ZBTB46: variants seen among roughly 807,000 people sequenced by gnomAD.
ZBTB46 encodes zinc finger and BTB domain containing 46, also known as zinc finger and BTB domain-containing protein 46.
ZBTB46 carries 8 observed loss-of-function variants against 44.1 expected under a neutral mutation model. That is an observed-to-expected ratio of 0.18 (90% CI 0.11 to 0.33). ZBTB46 has a LOEUF of 0.33. ZBTB46 is among the 10% of genes least tolerant of loss of function. The pLI is 1.00. For synonymous variants in ZBTB46, 409 were observed against 382.3 expected (o/e 1.07, Z -0.81); for missense variants, 651 against 847.7 (o/e 0.77, Z 2.88).
At chr20:63,822,026 T>C (rs1228419280) in intron 1 of ZBTB46, among the ~76,000 whole-genome samples, 2 of 152,190 alleles carry the variant, frequency 1.3e-5, no homozygotes, top group Admixed American at 6.5e-5. Flanking sequence ...TGCGAGAACT[T>C]ACACCTTTAA....
chr20:63,791,997 C>G (rs551004305), intron 1 of ZBTB46, among the ~76,000 whole-genome samples: 6 of 152,216 alleles, frequency 3.9e-5, no homozygotes, highest in Non-Finnish European at 7.3e-5. Flanking sequence ...AGCCGGCGTT[C>G]TGTGTGGAGG....
intron 3 of ZBTB46, among the ~76,000 whole-genome samples, chr20:63,759,991 G>A (rs556747724): frequency 5.3e-4 from 81 of 152,230 alleles, no homozygotes; most frequent in Non-Finnish European, 1.0e-3. Flanking sequence ...ATGAGCCTGC[G>A]GACCATGCAA....
chr20:63,811,500 A>G (rs1302285336), intron 1 of ZBTB46, among the ~76,000 whole-genome samples: 2 of 152,126 alleles, frequency 1.3e-5, no homozygotes. Flanking sequence ...CTCTGAAAGT[A>G]TTTCCAGGAA....
At position 63,815,133 on chromosome 20, in the gene ZBTB46, C is replaced by A. The variant is rs537531493; in HGVS notation, c.-34+15964G>T. ...CAGCTCACCAGCTGCTGAGAAGACA[C>A]AAAAGGCCGAGAGCCCAAGTCTGAG... On this transcript the variant is annotated intron_variant, in intron 1 of 4. Coordinates refer to ENST00000245663, the MANE Select transcript of ZBTB46 (RefSeq NM_001369741.1). 144 of 216,548 alleles carry A rather than the reference C, an allele frequency of 6.6e-4. No homozygotes were observed. In the South Asian group the frequency reaches 7.1e-3, roughly 11 times the overall value. 13.4% of individuals were successfully genotyped at this position (216,548 alleles called of 1,614,324 possible). A position where few individuals can be genotyped will look rare whatever the true frequency, so the allele number is the denominator to read the frequency against.
intron 1 of ZBTB46, among the ~76,000 whole-genome samples, chr20:63,807,577 TCAAG>T (rs2146012916): frequency 6.6e-6 from 1 of 152,136 alleles, no homozygotes; most frequent in South Asian, 2.1e-4. Flanking sequence ...ACTCCTGGCC[TCAAG>T]CAATCTGCCC....
At position 63,828,498 on chromosome 20, in the gene ZBTB46, A is replaced by AT. The variant is rs530433641; in HGVS notation, c.-34+2598dup. Among the ~76,000 whole-genome samples the AT allele has an allele frequency of 9.3e-3, 1,398 of 149,750 alleles. 20 individuals carry two copies. Among genetic ancestry groups the AT allele is most frequent in the African/African-American group, 0.029 (1,178 of 41,050 alleles). On this transcript the variant is annotated intron_variant, in intron 1 of 4. Transcript: ENST00000245663. ...AGGGGAGGGGACAGATTCAAAGGGT[A>AT]TTTTTTTTTTTAAATCTGCTAGAAA... is the stretch of plus-strand genomic sequence containing the variant.
chr20:63,764,096 G>T (rs1395054444), intron 3 of ZBTB46, among the ~76,000 whole-genome samples: 1 of 151,714 alleles, frequency 6.6e-6, no homozygotes, highest in African/African-American at 2.4e-5. Context: ...AGCCTCCCAA[G>T]TGGCTGGAAC....
At position 63,767,417 on chromosome 20, in the gene ZBTB46, G is replaced by C. The variant is rs1229018192; in HGVS notation, c.1222+8261C>G. Among the ~76,000 whole-genome samples, 1 of 152,098 alleles carries C rather than the reference G, an allele frequency of 6.6e-6. No individual in the cohort carries two copies. Among genetic ancestry groups the C allele is most frequent in the Non-Finnish European group, 1.5e-5 (1 of 68,010 alleles). On this transcript the variant is annotated intron_variant, in intron 3 of 4. Coordinates refer to ENST00000245663, the MANE Select transcript of ZBTB46 (RefSeq NM_001369741.1). This position sits in a 1 kb window ranked among gnomAD's most constrained non-coding sequence, Gnocchi z 5.0. ...CCTTCACCTGGCAGCAGCCGGCAGA[G>C]GACTCGAGAAATGACCACAGAAAGG...
chr20:63,804,937 T>C (rs1176371724), intron 1 of ZBTB46, among the ~76,000 whole-genome samples: 6 of 150,350 alleles, frequency 4.0e-5, no homozygotes, highest in Non-Finnish European at 8.9e-5. Context: ...TTTTTTTTTT[T>C]CTCAGAAGGA....
intron 1 of ZBTB46, among the ~76,000 whole-genome samples, chr20:63,808,362 G>A (rs1459525798): frequency 6.6e-6 from 1 of 152,214 alleles, no homozygotes; most frequent in East Asian, 1.9e-4. Flanking sequence ...GGAGGGCCCG[G>A]AAGGCAGACG....
intron 1 of ZBTB46, among the ~76,000 whole-genome samples, chr20:63,811,939 C>T (rs1235551171): frequency 6.6e-6 from 1 of 152,110 alleles, no homozygotes; most frequent in Non-Finnish European, 1.5e-5. Context: ...GGAAAAAAAA[C>T]TAAAGTAAAA....
intron 1 of ZBTB46, among the ~76,000 whole-genome samples, chr20:63,806,070 C>T (rs557082212): frequency 6.6e-5 from 10 of 151,540 alleles, no homozygotes; most frequent in Admixed American, 1.3e-4. Context: ...CCACCATGCC[C>T]GGCCCCAACT....
At chr20:63,780,434 A>T (rs954590317) in intron 2 of ZBTB46, among the ~76,000 whole-genome samples, 8 of 152,184 alleles carry the variant, frequency 5.3e-5, no homozygotes, top group African/African-American at 1.9e-4. Context: ...CACGCCACAT[A>T]CAAAAAAACC....
At chr20:63,824,133 C>T (rs969927428) in intron 1 of ZBTB46, among the ~76,000 whole-genome samples, 4 of 152,000 alleles carry the variant, frequency 2.6e-5, no homozygotes, top group African/African-American at 9.7e-5. Flanking sequence ...GCATCAGGGC[C>T]ACCTTCGAGG....
intron 1 of ZBTB46, among the ~76,000 whole-genome samples, chr20:63,819,369 G>C (rs2092778714): frequency 6.6e-6 from 1 of 152,138 alleles, no homozygotes; most frequent in Admixed American, 6.6e-5. Flanking sequence ...CGAAGAAGAC[G>C]AGCCAGCCCT....
At chr20:63,817,281 T>C (rs1568904097) in intron 1 of ZBTB46, among the ~76,000 whole-genome samples, 1 of 151,972 alleles carries the variant, frequency 6.6e-6, no homozygotes, top group East Asian at 1.9e-4. Flanking sequence ...TGGTGCATGC[T>C]TGTAGTCCCA....
At chr20:63,796,485 C>T (rs1056426308) in intron 1 of ZBTB46, among the ~76,000 whole-genome samples, 2 of 152,266 alleles carry the variant, frequency 1.3e-5, no homozygotes, top group Non-Finnish European at 2.9e-5. Flanking sequence ...TTGCCTCTGA[C>T]TTGAAACCTG....
chr20:63,784,287 G>A (rs1196284380), intron 2 of ZBTB46, among the ~76,000 whole-genome samples: 1 of 152,238 alleles, frequency 6.6e-6, no homozygotes, highest in Non-Finnish European at 1.5e-5. Flanking sequence ...ACCCTACCCT[G>A]AGAGCTGGGA....
intron 3 of ZBTB46, among the ~76,000 whole-genome samples, chr20:63,757,359 G>A (rs2092229882): frequency 6.6e-6 from 1 of 152,136 alleles, no homozygotes; most frequent in Non-Finnish European, 1.5e-5. Context: ...CTGACCTCAG[G>A]TGATCCACCC....
Sources: allele counts gnomAD v4.1 joint callset (sites outside exome capture counted in the v4.1 genomes callset), GRCh38; gene constraint gnomAD v4.1.1; non-coding constraint Gnocchi (gnomAD v3.1); transcripts MANE v1.5; gene names NCBI Gene and HGNC (gene_info 2026-07-23, HGNC 2026-07-21).